The following FAM185A variants were observed in gnomAD, a reference collection of about 807,000 sequenced individuals.
FAM185A encodes the protein protein FAM185A.
Under a neutral mutation model 45.7 loss-of-function variants are expected in FAM185A, and 21 were observed. The observed-to-expected ratio is 0.46, with a 90% CI of 0.33 to 0.66. FAM185A has a LOEUF of 0.66. FAM185A is among the 30% of genes least tolerant of loss of function. The probability of loss-of-function intolerance (pLI) is 0.03; values close to 1 mark genes in which losing one functional copy is unlikely to be tolerated. For synonymous variants in FAM185A, 117 were observed against 194.0 expected (o/e 0.60, Z 3.30); for missense variants, 305 against 485.4 (o/e 0.63, Z 3.49).
At chr7:102,788,766 T>A (rs1176641737) in intron 7 of FAM185A, among the ~76,000 whole-genome samples, 4 of 152,210 alleles carry the variant, frequency 2.6e-5, no homozygotes, top group Non-Finnish European at 5.9e-5. Context: ...TACAGCCTAC[T>A]ATACACCGAG....
the FAM185A span, among the ~76,000 whole-genome samples, chr7:102,841,149 CAT>C: frequency 6.6e-6 from 1 of 151,996 alleles, no homozygotes; most frequent in Non-Finnish European, 1.5e-5. Flanking sequence ...GGATCAAAAA[CAT>C]ATCAAAAACC....
the FAM185A span, among the ~76,000 whole-genome samples, chr7:102,849,689 C>T: frequency 2.0e-5 from 3 of 152,140 alleles, no homozygotes; most frequent in African/African-American, 4.8e-5. Context: ...ACTTTCTCCT[C>T]CCCCGGCTTT....
intron 7 of FAM185A, among the ~76,000 whole-genome samples, chr7:102,789,975 G>T (rs1033291426): frequency 6.6e-6 from 1 of 152,098 alleles, no homozygotes; most frequent in Admixed American, 6.5e-5. Flanking sequence ...CCACTGAAAG[G>T]CCTTCAGGGG....
chr7:102,760,851 A>T (rs892759635), intron 3 of FAM185A, among the ~76,000 whole-genome samples: 7 of 152,242 alleles, frequency 4.6e-5, no homozygotes, highest in African/African-American at 1.7e-4. Context: ...TATAATTTTT[A>T]AAAGTACAGA....
At chr7:102,842,573 A>T in the FAM185A span, among the ~76,000 whole-genome samples, 2 of 152,254 alleles carry the variant, frequency 1.3e-5, no homozygotes, top group Non-Finnish European at 2.9e-5. Flanking sequence ...ATTTAAGATC[A>T]GAAGAGAGTC....
chr7:102,815,841 G>A, the FAM185A span, among the ~76,000 whole-genome samples: 3 of 152,046 alleles, frequency 2.0e-5, no homozygotes, highest in African/African-American at 4.8e-5. Context: ...ACAAGCCAGG[G>A]TAAATTAGAT....
intron 7 of FAM185A, among the ~76,000 whole-genome samples, chr7:102,800,637 G>C (rs1443678335): frequency 6.6e-6 from 1 of 151,764 alleles, no homozygotes; most frequent in Non-Finnish European, 1.5e-5. Flanking sequence ...AAGTAGAAGA[G>C]AGAAAATAAG....
In FAM185A at chr7:102,793,413, T is replaced by A. The variant is rs1796256327; in HGVS notation, c.1066+5944T>A. On this transcript the variant is annotated intron_variant, in intron 7 of 7. Coordinates refer to ENST00000413034, the MANE Select transcript of FAM185A (RefSeq NM_001145268.2). ...TTTTAGTAGAGACAGGGTTTCACCATATTGGCCAGGCTGGTCTCACCTCCT... is the reference window on the plus strand; with the variant it reads ...TTTTAGTAGAGACAGGGTTTCACCAAATTGGCCAGGCTGGTCTCACCTCCT... Among the ~76,000 whole-genome samples the A allele has an allele frequency of 2.0e-5, 3 of 152,214 alleles. No individual in the cohort carries two copies. The South Asian group carries it at 6.2e-4, about 32-fold the overall frequency.
At chr7:102,799,458 T>C (rs1474076543) in intron 7 of FAM185A, among the ~76,000 whole-genome samples, 1 of 152,206 alleles carries the variant, frequency 6.6e-6, no homozygotes, top group Admixed American at 6.5e-5. Context: ...GACAAAAAGA[T>C]CAGATGGTAC....
intron 4 of FAM185A, among the ~76,000 whole-genome samples, chr7:102,769,615 G>T (rs917993978): frequency 4.6e-5 from 7 of 152,124 alleles, no homozygotes; most frequent in Non-Finnish European, 1.0e-4. Context: ...TTGTTCAGGA[G>T]GTAGAGCAGT....
downstream of FAM185A, among the ~76,000 whole-genome samples, chr7:102,812,950 C>A (rs1797530612): frequency 6.6e-6 from 1 of 151,126 alleles, no homozygotes; most frequent in Non-Finnish European, 1.5e-5. Context: ...TCAAGCAAGT[C>A]CCCTGCCTCA....
chr7:102,816,614 C>A, the FAM185A span, among the ~76,000 whole-genome samples: 2 of 151,998 alleles, frequency 1.3e-5, no homozygotes, highest in Non-Finnish European at 2.9e-5. Context: ...CACACACGCA[C>A]CTTTAAAAAA....
the FAM185A span, among the ~76,000 whole-genome samples, chr7:102,841,901 G>A: frequency 2.6e-5 from 4 of 152,096 alleles, no homozygotes; most frequent in African/African-American, 9.7e-5. Flanking sequence ...AATTATTCCA[G>A]GTTTTGTAGG....
the FAM185A span, among the ~76,000 whole-genome samples, chr7:102,817,228 G>A: frequency 6.6e-6 from 1 of 152,156 alleles, no homozygotes; most frequent in Non-Finnish European, 1.5e-5. Context: ...CCACCACAGT[G>A]TAAAAGCATT....
intron 6 of FAM185A, among the ~76,000 whole-genome samples, chr7:102,781,678 C>A (rs1190751744): frequency 6.6e-6 from 1 of 152,116 alleles, no homozygotes; most frequent in African/African-American, 2.4e-5. Context: ...CATCAAAGAC[C>A]AAAGGTAGAT....
chr7:102,841,989 C>CAAT, the FAM185A span, among the ~76,000 whole-genome samples: 1 of 152,198 alleles, frequency 6.6e-6, no homozygotes, highest in Admixed American at 6.5e-5. Context: ...TTTCCTCTCC[C>CAAT]AATACCCTGT....
chr7:102,849,415 T>C, the FAM185A span, among the ~76,000 whole-genome samples: 2 of 152,220 alleles, frequency 1.3e-5, no homozygotes, highest in Non-Finnish European at 2.9e-5. Flanking sequence ...TTTTTTATTC[T>C]TATTATGTTC....
At chr7:102,793,025 T>G (rs557489616) in intron 7 of FAM185A, among the ~76,000 whole-genome samples, 54 of 152,152 alleles carry the variant, frequency 3.5e-4, no homozygotes, top group Non-Finnish European at 7.2e-4. Flanking sequence ...AGTTTTTGGT[T>G]TTTCAAAGCT....
chr7:102,766,454 A>G (rs922840616), intron 4 of FAM185A, among the ~76,000 whole-genome samples: 5 of 152,228 alleles, frequency 3.3e-5, no homozygotes, highest in Non-Finnish European at 7.4e-5. Flanking sequence ...AATTTTCAAG[A>G]AGTACAATTT....
Sources: gnomAD v4.1 joint callset for allele counts (sites outside exome capture counted in the v4.1 genomes callset) on GRCh38, gnomAD v4.1.1 for gene constraint, MANE v1.5 for transcripts, NCBI Gene and HGNC (gene_info 2026-07-23, HGNC 2026-07-21) for gene names.